Variants in CLIC5 observed in about 807,000 individuals in gnomAD.
CLIC5 encodes the protein CLIC family member 5, also known as chloride intracellular channel protein 5.
Under a neutral mutation model 24.7 loss-of-function variants are expected in CLIC5, and 20 were observed. The ratio of observed to expected loss-of-function variants is 0.81; its 90% CI spans 0.57 to 1.18. The LOEUF is 1.18. Ranked by LOEUF, CLIC5 falls within the 50% of genes most tolerant of loss-of-function variation. The probability of loss-of-function intolerance (pLI) is 0.00; values close to 1 mark genes in which losing one functional copy is unlikely to be tolerated. For synonymous variants in CLIC5, 159 were observed against 135.6 expected (o/e 1.17, Z -1.20); for missense variants, 341 against 326.1 (o/e 1.05, Z -0.35).
chr6:45,903,183 C>T lies in CLIC5; in HGVS notation c.661G>A (p.Ala221Thr), dbSNP rs776828172. 3.1e-6 allele frequency: 5 copies of T among 1,613,678 alleles called. No individual in the cohort carries two copies. Among genetic ancestry groups the T allele is most frequent in the East Asian group, 2.2e-5 (1 of 44,868 alleles). Residue 221 changes from alanine (A) to threonine (T), a missense_variant, in exon 6 of 6, where the codon GCC becomes ACC. Transcript: ENST00000339561. ...MTGLWRYLKN[A>T]YARDEFTNTC... is the part of the protein sequence containing the mutation. ...TTGGTGAACTCATCACGGGCATAGG[C>T]GTTCTTGAGGTACCGCCACAGGCCT...
At chr6:45,948,468 C>T (rs985413570) in intron 3 of CLIC5, among the ~76,000 whole-genome samples, 5 of 152,182 alleles carry the variant, frequency 3.3e-5, no homozygotes, top group African/African-American at 4.8e-5. Flanking sequence ...TGCTTAATCC[C>T]TTTCAGAATA....
chr6:45,885,950 C>G (rs1180098483), intron 6 of CLIC5, among the ~76,000 whole-genome samples: 1 of 152,174 alleles, frequency 6.6e-6, no homozygotes, highest in Non-Finnish European at 1.5e-5. Context: ...TGATACTGCA[C>G]AGGAACTTCT....
intron 4 of CLIC5, among the ~76,000 whole-genome samples, chr6:45,921,895 A>G (rs889882144): frequency 6.6e-6 from 1 of 152,206 alleles, no homozygotes; most frequent in Non-Finnish European, 1.5e-5. Context: ...ACTTGGCCTC[A>G]TAGCCAGAGA....
chr6:46,120,423 C>G, the CLIC5 span, among the ~76,000 whole-genome samples: 1 of 152,136 alleles, frequency 6.6e-6, no homozygotes. Context: ...ACACCAAAAC[C>G]CCATCTGTAC....
chr6:45,972,523 GA>G (rs1343222844), intron 1 of CLIC5, among the ~76,000 whole-genome samples: 5 of 152,216 alleles, frequency 3.3e-5, no homozygotes, highest in African/African-American at 1.2e-4. Flanking sequence ...AAGGCCCTAA[GA>G]GGGATAGTTT....
chr6:46,123,120 C>T, the CLIC5 span: 5 of 152,122 alleles, frequency 3.3e-5, no homozygotes, highest in African/African-American at 1.2e-4. Context: ...CTGGAAGAGA[C>T]ACAAGAATAA....
intron 1 of CLIC5, among the ~76,000 whole-genome samples, chr6:46,065,148 A>G (rs1762406705): frequency 6.6e-6 from 1 of 152,210 alleles, no homozygotes; most frequent in South Asian, 2.1e-4. Context: ...CAGAAGGATG[A>G]CTAATAAGTA....
intron 1 of CLIC5, among the ~76,000 whole-genome samples, chr6:46,037,983 C>A (rs1450647744): frequency 6.6e-6 from 1 of 152,026 alleles, no homozygotes; most frequent in Non-Finnish European, 1.5e-5. Flanking sequence ...AGGATGAGAC[C>A]TAGGCCTTCA....
chr6:46,004,015 G>A (rs1766452664), intron 1 of CLIC5, among the ~76,000 whole-genome samples: 1 of 152,190 alleles, frequency 6.6e-6, no homozygotes, highest in African/African-American at 2.4e-5. Context: ...TCAAAAAACT[G>A]TATGTACACA....
At chr6:46,028,309 T>C (rs544438592) in intron 1 of CLIC5, among the ~76,000 whole-genome samples, 1 of 152,300 alleles carries the variant, frequency 6.6e-6, no homozygotes, top group East Asian at 1.9e-4. Flanking sequence ...TGCCTGGCCA[T>C]GTGAATGCTG....
chr6:45,962,308 G>A (rs1764873273), intron 1 of CLIC5, among the ~76,000 whole-genome samples: 1 of 151,658 alleles, frequency 6.6e-6, no homozygotes, highest in South Asian at 2.1e-4. Flanking sequence ...TGCAGGGTAG[G>A]CCAGCAGGCT....
intron 1 of CLIC5, among the ~76,000 whole-genome samples, chr6:46,066,252 A>G (rs1762440334): frequency 6.6e-6 from 1 of 152,190 alleles, no homozygotes; most frequent in African/African-American, 2.4e-5. Context: ...CTGCTGCTCA[A>G]CAGGACTTGT....
upstream of CLIC5, among the ~76,000 whole-genome samples, chr6:46,017,328 A>G (rs1277001897): frequency 6.6e-6 from 1 of 152,228 alleles, no homozygotes; most frequent in African/African-American, 2.4e-5. Context: ...TAAAAAAATA[A>G]GTAATAATAC....
At chr6:46,114,886 T>A in the CLIC5 span, among the ~76,000 whole-genome samples, 5 of 152,028 alleles carry the variant, frequency 3.3e-5, no homozygotes, top group Non-Finnish European at 7.4e-5. Flanking sequence ...GAGAGTGATA[T>A]GGAGGTCATG....
At chr6:45,993,466 T>C (rs1280683864) in intron 1 of CLIC5, among the ~76,000 whole-genome samples, 1 of 152,222 alleles carries the variant, frequency 6.6e-6, no homozygotes, top group African/African-American at 2.4e-5. Flanking sequence ...GAAGTAAAGA[T>C]CAATGCATCT....
intron 6 of CLIC5, among the ~76,000 whole-genome samples, chr6:45,886,203 T>C (rs970226315): frequency 6.6e-6 from 1 of 152,150 alleles, no homozygotes; most frequent in Non-Finnish European, 1.5e-5. Context: ...AGATACCACG[T>C]GGTGCGAAGG....
intron 4 of CLIC5, chr6:45,920,811 G>A (rs2127326252): frequency 5.8e-6 from 1 of 173,498 alleles, no homozygotes; most frequent in South Asian, 2.0e-4. Flanking sequence ...GAAAAGGGCA[G>A]GTGCAGGCCA....
At chr6:46,070,934 C>T (rs796728797) in intron 1 of CLIC5, among the ~76,000 whole-genome samples, 2 of 152,180 alleles carry the variant, frequency 1.3e-5, no homozygotes, top group Admixed American at 6.5e-5. Context: ...CACCTATAAC[C>T]ATCAGATCTT....
Position 45,901,490 on chromosome 6 carries a change from T to A in CLIC5, c.*1598A>T, listed in dbSNP as rs891032553. On this transcript the variant is annotated 3_prime_UTR_variant, in exon 6 of 6. Transcript: ENST00000339561. ...ATTTCTATGGAAAGGACCCGTGCTA[T>A]CCTGCCCTTGCTGAGAAATGAGCCA... 1.3e-5 allele frequency: 2 copies of A among 152,136 alleles called. No homozygotes were observed. Among genetic ancestry groups the A allele is most frequent in the Admixed American group, 1.3e-4 (2 of 15,270 alleles). The allele number at this position is 152,136 out of a possible 1,614,324, so 9.4% of individuals were successfully genotyped here.
Sources: allele counts gnomAD v4.1 joint callset (sites outside exome capture counted in the v4.1 genomes callset), GRCh38; gene constraint gnomAD v4.1.1; transcripts MANE v1.5; gene names NCBI Gene and HGNC (gene_info 2026-07-23, HGNC 2026-07-21).